The following SLC25A13 variants were observed in gnomAD, a reference collection of about 807,000 sequenced individuals.
The protein encoded by SLC25A13 is electrogenic aspartate/glutamate antiporter SLC25A13, mitochondrial.
In SLC25A13, 70 loss-of-function variants were observed where a neutral mutation model predicts 85.5. The ratio of observed to expected loss-of-function variants is 0.82; its 90% CI spans 0.68 to 1.00. The LOEUF (loss-of-function observed/expected upper bound fraction) is 1.00, where lower values mean the gene tolerates loss of function less well. Ranked by LOEUF, SLC25A13 falls within the 50% of genes least tolerant of loss-of-function variation. SLC25A13 has a pLI of 0.00. For missense variants in SLC25A13, 765 were observed against 819.8 expected (o/e 0.93, Z 0.82); for synonymous variants, 259 against 288.7 (o/e 0.90, Z 1.04).
intron 1 of SLC25A13, among the ~76,000 whole-genome samples, chr7:96,307,865 A>T (rs34203427): frequency 0.16 from 23,612 of 151,910 alleles, 2,178 homozygotes; most frequent in East Asian, 0.23. Flanking sequence ...ATCTGACTCC[A>T]CTGCGGCCGG....
At chr7:96,136,192 T>C (rs1386553288) in intron 14 of SLC25A13, among the ~76,000 whole-genome samples, 1 of 152,160 alleles carries the variant, frequency 6.6e-6, no homozygotes, top group African/African-American at 2.4e-5. Flanking sequence ...CATCATCCTA[T>C]TTAAGATCTA....
chr7:96,182,769 A>T (rs1794469475), intron 11 of SLC25A13, among the ~76,000 whole-genome samples: 1 of 152,232 alleles, frequency 6.6e-6, no homozygotes, highest in Admixed American at 6.5e-5. Context: ...TAAAAAATCA[A>T]CTTAAGCAAA....
At chr7:96,150,598 T>G (rs1792996029) in intron 13 of SLC25A13, among the ~76,000 whole-genome samples, 1 of 152,058 alleles carries the variant, frequency 6.6e-6, no homozygotes, top group African/African-American at 2.4e-5. Context: ...AAAAGAGGTC[T>G]TTAGGGTGGG....
intron 5 of SLC25A13, among the ~76,000 whole-genome samples, chr7:96,208,419 T>C (rs1435279149): frequency 6.6e-6 from 1 of 152,150 alleles, no homozygotes; most frequent in Non-Finnish European, 1.5e-5. Flanking sequence ...TAAATCACAG[T>C]ATGTAGTAAG....
Position 96,277,214 on chromosome 7 carries a change from A to T in SLC25A13, c.194T>A (p.Val65Glu). 6.3e-7 allele frequency: 1 copy of T among 1,599,902 alleles called. No homozygotes were observed. Among genetic ancestry groups the T allele is most frequent in the South Asian group, 1.1e-5 (1 of 89,248 alleles). The part of the protein sequence containing the change: ...PKTVELLSGV[V>E]DQTKDGLISF... ...AACATACCCATCTTTGGTCTGATCC[A>T]CCACTCCACTTAAAAGTTCCACAGT... The change falls in exon 3 of 18, where the codon GTG (valine) becomes GAG (glutamate). Residue 65 changes from valine (V) to glutamate (E), a missense_variant. Transcript: ENST00000265631.
intron 12 of SLC25A13, among the ~76,000 whole-genome samples, chr7:96,171,155 G>C (rs1225578204): frequency 6.6e-6 from 1 of 152,168 alleles, no homozygotes; most frequent in African/African-American, 2.4e-5. Flanking sequence ...ATCATGCTTT[G>C]CTTGAGATTA....
At chr7:96,174,609 C>T (rs896789943) in intron 11 of SLC25A13, among the ~76,000 whole-genome samples, 4 of 152,184 alleles carry the variant, frequency 2.6e-5, no homozygotes, top group South Asian at 2.1e-4. Context: ...GTATTTTTCT[C>T]ATCATTAAAT....
chr7:96,143,509 G>A (rs1792652839), intron 14 of SLC25A13, among the ~76,000 whole-genome samples: 1 of 152,128 alleles, frequency 6.6e-6, no homozygotes, highest in African/African-American at 2.4e-5. Flanking sequence ...TAATTATGCT[G>A]CCTTCACTTC....
At chr7:96,171,440 C>T (rs1160414868) in intron 12 of SLC25A13, 32 bp downstream of exon 12, 1 of 1,594,136 alleles carries the variant, frequency 6.3e-7, no homozygotes, top group East Asian at 2.2e-5. Flanking sequence ...TACAAAATCC[C>T]TTAATAAGAA....
chr7:96,287,510 C>G (rs1272828395), intron 2 of SLC25A13, among the ~76,000 whole-genome samples: 1 of 152,212 alleles, frequency 6.6e-6, no homozygotes, highest in African/African-American at 2.4e-5. Context: ...CATGAATTCT[C>G]ACCCTCTCTA....
At chr7:96,291,986 T>C (rs1468272990) in intron 2 of SLC25A13, among the ~76,000 whole-genome samples, 1 of 152,120 alleles carries the variant, frequency 6.6e-6, no homozygotes, top group African/African-American at 2.4e-5. Flanking sequence ...AAAAAGAGCA[T>C]TTTAGACCAA....
At position 96,208,740 on chromosome 7, in the gene SLC25A13, C is replaced by T. The variant is rs1480815939; in HGVS notation, c.468+98G>A. On this transcript the variant is annotated intron_variant, in intron 5 of 17. Transcript: ENST00000265631. ...CAGGATGGTCTCGATCTCCTGACCT[C>T]GTCATCCGCCCACCTCGGCCTCCCA... 5.9e-6 allele frequency: 8 copies of T among 1,366,506 alleles called. No homozygotes were observed. In the East Asian group the frequency reaches 1.2e-4, roughly 20 times the overall value. 84.6% of individuals were successfully genotyped at this position (1,366,506 alleles called of 1,614,324 possible). A position where few individuals can be genotyped will look rare whatever the true frequency, so the allele number is the denominator to read the frequency against.
At chr7:96,228,425 T>G (rs1010964619) in intron 4 of SLC25A13, among the ~76,000 whole-genome samples, 3 of 152,158 alleles carry the variant, frequency 2.0e-5, no homozygotes, top group African/African-American at 4.8e-5. Flanking sequence ...AAATAAATGC[T>G]CATTGAAGCC....
intron 7 of SLC25A13, among the ~76,000 whole-genome samples, chr7:96,190,568 T>C (rs966306131): frequency 6.6e-6 from 1 of 152,168 alleles, no homozygotes; most frequent in Non-Finnish European, 1.5e-5. Flanking sequence ...TAAGAAACTT[T>C]ACATGTTTTC....
intron 15 of SLC25A13, among the ~76,000 whole-genome samples, chr7:96,124,826 T>C (rs1328264690): frequency 6.6e-6 from 1 of 152,180 alleles, no homozygotes; most frequent in Non-Finnish European, 1.5e-5. Context: ...TCCCCACCAC[T>C]TCCCTGACTA....
chr7:96,228,214 G>T (rs1796390811), intron 4 of SLC25A13, among the ~76,000 whole-genome samples: 1 of 152,140 alleles, frequency 6.6e-6, no homozygotes, highest in African/African-American at 2.4e-5. Flanking sequence ...AGAAAATGCT[G>T]ATAATTTGTA....
chr7:96,165,528 T>C (rs1793706334), intron 13 of SLC25A13, among the ~76,000 whole-genome samples: 1 of 152,224 alleles, frequency 6.6e-6, no homozygotes. Flanking sequence ...CATTTACTAT[T>C]ATTTTCTGAT....
At chr7:96,209,786 T>C (rs564292564) in intron 4 of SLC25A13, among the ~76,000 whole-genome samples, 9 of 152,308 alleles carry the variant, frequency 5.9e-5, no homozygotes, top group African/African-American at 2.2e-4. Context: ...AAAGCTTCTA[T>C]TTTTATTTTT....
At chr7:96,200,484 A>AT (rs1282635182) in intron 5 of SLC25A13, among the ~76,000 whole-genome samples, 2 of 152,218 alleles carry the variant, frequency 1.3e-5, no homozygotes, top group African/African-American at 4.8e-5. Flanking sequence ...AAACATAGCA[A>AT]TAAAATAGGT....
Sources: gnomAD v4.1 joint callset for allele counts (sites outside exome capture counted in the v4.1 genomes callset) on GRCh38, gnomAD v4.1.1 for gene constraint, MANE v1.5 for transcripts, NCBI Gene and HGNC (gene_info 2026-07-23, HGNC 2026-07-21) for gene names.